Variants in KIF16B observed in about 807,000 individuals in gnomAD.
The protein encoded by KIF16B is kinesin-like protein KIF16B.
Under a neutral mutation model 156.3 loss-of-function variants are expected in KIF16B, and 98 were observed. That is an observed-to-expected ratio of 0.63 (90% CI 0.53 to 0.74). The LOEUF (loss-of-function observed/expected upper bound fraction) is 0.74. KIF16B is among the 30% of genes least tolerant of loss of function. The pLI, the probability that KIF16B is intolerant of heterozygous loss-of-function variation, is 0.00. For synonymous variants in KIF16B, 564 were observed against 583.7 expected (o/e 0.97, Z 0.49); for missense variants, 1,421 against 1,606.5 (o/e 0.88, Z 1.97).
rs1045854192 is a variant in KIF16B, at chr20:16,450,257, C to T, written c.1303-20275G>A. Among the ~76,000 whole-genome samples the T allele has an allele frequency of 9.2e-5, 14 of 152,140 alleles. 1 individual carries two copies. The highest frequency in any genetic ancestry group is 3.4e-4 in the African/African-American group (14 of 41,438). ...GAAAAGACACAAATACCTATACACA[C>T]GCCTCAGTATTGGTGTTTATGCAAC... On this transcript the variant is annotated intron_variant, in intron 12 of 25. Coordinates refer to ENST00000354981, the MANE Select transcript of KIF16B (RefSeq NM_024704.5).
At chr20:16,485,014 C>G (rs905502529) in intron 12 of KIF16B, among the ~76,000 whole-genome samples, 3 of 152,122 alleles carry the variant, frequency 2.0e-5, no homozygotes, top group Non-Finnish European at 1.5e-5. Context: ...GTGGTTGTAC[C>G]CATGACTACC....
At chr20:16,356,585 AG>A (rs1486853406) in intron 22 of KIF16B, 133 bp from the exon 23 acceptor site, 43 of 951,422 alleles carry the variant, frequency 4.5e-5, no homozygotes, top group Middle Eastern at 5.2e-4. Context: ...GGGTTTATTT[AG>A]AAAAATGATG....
intron 1 of KIF16B, among the ~76,000 whole-genome samples, chr20:16,542,656 A>C (rs1447941711): frequency 6.6e-6 from 1 of 152,164 alleles, no homozygotes; most frequent in Non-Finnish European, 1.5e-5. Context: ...CCAGCCAGAG[A>C]CTTTGGGGGA....
chr20:16,455,821 G>C (rs568190696), intron 12 of KIF16B, among the ~76,000 whole-genome samples: 1 of 152,226 alleles, frequency 6.6e-6, no homozygotes, highest in African/African-American at 2.4e-5. Context: ...AAATGTACCA[G>C]CCAATGCAGA....
At chr20:16,500,446 T>C (rs915936318) in intron 10 of KIF16B, among the ~76,000 whole-genome samples, 1 of 152,182 alleles carries the variant, frequency 6.6e-6, no homozygotes, top group Non-Finnish European at 1.5e-5. Flanking sequence ...GAGCAAATTT[T>C]CATTATGTTA....
At chr20:16,543,726 A>G (rs2070292275) in intron 1 of KIF16B, among the ~76,000 whole-genome samples, 1 of 152,208 alleles carries the variant, frequency 6.6e-6, no homozygotes. Context: ...CAAGATGGTA[A>G]GCGGCCTGAG....
intron 25 of KIF16B, among the ~76,000 whole-genome samples, chr20:16,292,359 G>A (rs1237819277): frequency 6.6e-6 from 1 of 152,172 alleles, no homozygotes; most frequent in Non-Finnish European, 1.5e-5. Context: ...TGCACCATAT[G>A]CTGTGATTCA....
chr20:16,541,820 T>C (rs973792109), intron 1 of KIF16B, among the ~76,000 whole-genome samples: 3 of 152,176 alleles, frequency 2.0e-5, no homozygotes, highest in African/African-American at 7.2e-5. Flanking sequence ...CCACAGGCAG[T>C]CCTGGGGCTA....
intron 6 of KIF16B, among the ~76,000 whole-genome samples, chr20:16,508,741 G>A (rs1375533904): frequency 6.6e-6 from 1 of 151,852 alleles, no homozygotes; most frequent in East Asian, 1.9e-4. Context: ...TCTGACATAC[G>A]GTATTTAAAA....
At chr20:16,437,783 T>G (rs1347695895) in intron 12 of KIF16B, among the ~76,000 whole-genome samples, 1 of 152,108 alleles carries the variant, frequency 6.6e-6, no homozygotes, top group Non-Finnish European at 1.5e-5. Flanking sequence ...ACTCATGAAT[T>G]TGACGAGCAA....
intron 25 of KIF16B, among the ~76,000 whole-genome samples, chr20:16,308,234 C>G (rs976745108): frequency 4.5e-4 from 68 of 152,266 alleles, no homozygotes; most frequent in Non-Finnish European, 1.6e-4. Flanking sequence ...TAAATAAAAG[C>G]CATCGTTACT....
intron 6 of KIF16B, among the ~76,000 whole-genome samples, chr20:16,510,377 C>T (rs1279611006): frequency 6.6e-6 from 1 of 152,134 alleles, no homozygotes; most frequent in Non-Finnish European, 1.5e-5. Flanking sequence ...ATGGGCCGGG[C>T]GTGGTGGCTC....
intron 12 of KIF16B, among the ~76,000 whole-genome samples, chr20:16,456,372 A>T (rs1326232772): frequency 6.6e-6 from 1 of 152,124 alleles, no homozygotes. Context: ...TGAAAGAAAA[A>T]TACCACCAGA....
chr20:16,473,707 G>A (rs2067728342), intron 12 of KIF16B, among the ~76,000 whole-genome samples: 1 of 152,114 alleles, frequency 6.6e-6, no homozygotes, highest in South Asian at 2.1e-4. Context: ...GACAAGGTAG[G>A]ATAAGATCAG....
At chr20:16,367,980 ATC>A (rs2064719026) in intron 22 of KIF16B, 3 of 1,437,576 alleles carry the variant, frequency 2.1e-6, no homozygotes, top group Admixed American at 5.7e-5. Flanking sequence ...AGCCGAGATT[ATC>A]TGACAGGACC....
chr20:16,406,480 T>C lies in KIF16B; in HGVS notation c.1613-24A>G, dbSNP rs751464105. ...ACCTGAAAACACACAAAAACAGTAA[T>C]GAATTTACAGTAAGCAGTCTGGTCA... is the stretch of plus-strand genomic sequence containing the variant. On this transcript the variant is annotated intron_variant, in intron 15 of 25. Transcript: ENST00000354981. 5 of 1,604,900 alleles carry C rather than the reference T, an allele frequency of 3.1e-6. No homozygotes were observed. In the South Asian group the frequency reaches 3.3e-5, roughly 11 times the overall value.
At chr20:16,447,149 G>A (rs2066955122) in intron 12 of KIF16B, among the ~76,000 whole-genome samples, 1 of 152,100 alleles carries the variant, frequency 6.6e-6, no homozygotes, top group African/African-American at 2.4e-5. Context: ...GGGCTTATCT[G>A]ATTCACCTTA....
At chr20:16,436,456 A>C (rs1434020495) in intron 12 of KIF16B, among the ~76,000 whole-genome samples, 2 of 152,104 alleles carry the variant, frequency 1.3e-5, no homozygotes, top group Non-Finnish European at 2.9e-5. Flanking sequence ...CCAGGCCTTC[A>C]CTTACAAGAG....
In KIF16B at chr20:16,505,730, A is replaced by G; in HGVS notation, c.992T>C (p.Met331Thr). ...DSLGGNSKTI[M>T]IATISPADVN... ...TAACTTAAAACTCTTACTGGCAATC[A>G]TGATAGTTTTAGAGTTTCCTCCAAG... Residue 331 changes from methionine (M) to threonine (T), a missense_variant, in exon 9 of 26, where the codon ATG (methionine) becomes ACG (threonine). Coordinates refer to ENST00000354981, the MANE Select transcript of KIF16B (RefSeq NM_024704.5). The G allele has an allele frequency of 1.9e-6, 3 of 1,612,962 alleles. No individual in the cohort carries two copies. The highest frequency in any genetic ancestry group is 1.7e-5 in the Admixed American group (1 of 59,870).
Sources: gnomAD v4.1 joint callset for allele counts (sites outside exome capture counted in the v4.1 genomes callset) on GRCh38, gnomAD v4.1.1 for gene constraint, MANE v1.5 for transcripts, NCBI Gene and HGNC (gene_info 2026-07-23, HGNC 2026-07-21) for gene names.